The following RGS7 variants were observed in gnomAD, a reference collection of about 807,000 sequenced individuals.
RGS7 encodes the protein regulator of G-protein signaling 7.
RGS7 carries 27 observed loss-of-function variants against 81.1 expected under a neutral mutation model. That is an observed-to-expected ratio of 0.33 (90% CI 0.25 to 0.46). The LOEUF (loss-of-function observed/expected upper bound fraction) is 0.46, where lower values mean the gene tolerates loss of function less well. RGS7 is among the 20% of genes least tolerant of loss of function. The pLI is 1.00. For missense variants in RGS7, 396 were observed against 607.4 expected, an observed-to-expected ratio of 0.65 and a Z score of 3.66; for synonymous variants, 208 against 207.7, an observed-to-expected ratio of 1.00 and a Z score of -0.01.
chr1:240,889,234 G>A (rs868736109), intron 6 of RGS7, among the ~76,000 whole-genome samples: 1 of 152,202 alleles, frequency 6.6e-6, no homozygotes, highest in African/African-American at 2.4e-5. Flanking sequence ...TGGGATTACA[G>A]ACGTGAGCCA....
chr1:241,002,305 T>A (rs1316245541), intron 3 of RGS7, among the ~76,000 whole-genome samples: 8 of 151,656 alleles, frequency 5.3e-5, no homozygotes, highest in Admixed American at 5.2e-4. Flanking sequence ...AAAAAAAAAT[T>A]AGCCGAGCTT....
intron 3 of RGS7, among the ~76,000 whole-genome samples, chr1:241,091,415 G>C (rs2063864590): frequency 6.6e-6 from 1 of 151,894 alleles, no homozygotes. Flanking sequence ...AAATGTGGTG[G>C]CAGGCACCTG....
At chr1:241,172,217 G>C (rs1229604795) in intron 2 of RGS7, among the ~76,000 whole-genome samples, 1 of 147,204 alleles carries the variant, frequency 6.8e-6, no homozygotes, top group Non-Finnish European at 1.5e-5. Context: ...ATTCTGCCAA[G>C]TTATTCTTTT....
At chr1:240,930,813 A>T (rs149976420) in intron 5 of RGS7, 45 bp from the exon 6 acceptor site, 14 of 1,574,642 alleles carry the variant, frequency 8.9e-6, no homozygotes, top group African/African-American at 8.1e-5. Flanking sequence ...CAAATAAAAA[A>T]TTAGTGGAGT....
intron 9 of RGS7, among the ~76,000 whole-genome samples, chr1:240,829,172 C>T (rs556779421): frequency 7.0e-4 from 107 of 152,004 alleles, no homozygotes; most frequent in Non-Finnish European, 1.4e-3. Flanking sequence ...GTATATACTA[C>T]AGATACACAC....
intron 14 of RGS7, among the ~76,000 whole-genome samples, chr1:240,809,455 TG>T (rs1689465886): frequency 6.6e-6 from 1 of 152,140 alleles, no homozygotes; most frequent in Non-Finnish European, 1.5e-5. Context: ...TCTCCTTCAG[TG>T]TGTGACACAG....
chr1:241,109,783 C>T lies in RGS7; in HGVS notation c.79-11021G>A, dbSNP rs376566265. ...GACCAGCCTGACGAACATGGTGAAA[C>T]CGTCTCTCTACTAAAAATACAAAAA... is the stretch of plus-strand genomic sequence containing the variant. On this transcript the variant is annotated intron_variant, in intron 2 of 18. Coordinates refer to ENST00000440928, the MANE Select transcript of RGS7 (RefSeq NM_001364886.1). Among the ~76,000 whole-genome samples the T allele has an allele frequency of 4.3e-4, 65 of 151,964 alleles. No homozygotes were observed. In the East Asian group the frequency reaches 8.9e-3, roughly 21 times the overall value.
intron 2 of RGS7, among the ~76,000 whole-genome samples, chr1:241,213,786 AC>A (rs2074388413): frequency 6.6e-6 from 1 of 152,144 alleles, no homozygotes; most frequent in Non-Finnish European, 1.5e-5. Context: ...AAAGAAAAAT[AC>A]TCTTTTTCAC....
intron 6 of RGS7, among the ~76,000 whole-genome samples, chr1:240,898,702 A>C (rs1669488907): frequency 6.6e-6 from 1 of 152,212 alleles, no homozygotes; most frequent in South Asian, 2.1e-4. Context: ...TTTACTTCCA[A>C]CTATGTGGTC....
chr1:241,134,029 C>T (rs2067308201), intron 2 of RGS7, among the ~76,000 whole-genome samples: 1 of 152,156 alleles, frequency 6.6e-6, no homozygotes. Flanking sequence ...TCTATCCTTG[C>T]CAAAATGTCT....
intron 2 of RGS7, among the ~76,000 whole-genome samples, chr1:241,310,380 TGA>T (rs1216276275): frequency 1.9e-4 from 29 of 151,322 alleles, no homozygotes; most frequent in Non-Finnish European, 3.0e-4. Context: ...TGTGTGTGTA[TGA>T]GTGTGCGTGT....
intron 4 of RGS7, among the ~76,000 whole-genome samples, chr1:240,945,909 A>G (rs1220232428): frequency 6.6e-6 from 1 of 152,192 alleles, no homozygotes; most frequent in Non-Finnish European, 1.5e-5. Flanking sequence ...ATCTGAAAAT[A>G]AGAATTTTAG....
At chr1:241,224,950 A>C (rs970251979) in intron 2 of RGS7, among the ~76,000 whole-genome samples, 10 of 152,192 alleles carry the variant, frequency 6.6e-5, no homozygotes, top group African/African-American at 1.9e-4. Context: ...CACTCACAGC[A>C]TGATAACTGA....
At chr1:241,028,965 T>C (rs1050676905) in intron 3 of RGS7, among the ~76,000 whole-genome samples, 2 of 151,916 alleles carry the variant, frequency 1.3e-5, no homozygotes, top group African/African-American at 4.8e-5. Flanking sequence ...AAACTAAGAA[T>C]AAGATGAATG....
chr1:241,323,984 T>C (rs1384294234), intron 2 of RGS7, among the ~76,000 whole-genome samples: 1 of 152,194 alleles, frequency 6.6e-6, no homozygotes, highest in Non-Finnish European at 1.5e-5. Flanking sequence ...AGTTATTTAG[T>C]CTCTCTTAGT....
chr1:241,174,319 A>T (rs1173400058), intron 2 of RGS7, among the ~76,000 whole-genome samples: 1 of 152,232 alleles, frequency 6.6e-6, no homozygotes, highest in Non-Finnish European at 1.5e-5. Flanking sequence ...TATGTGTTAC[A>T]ACCAGAATCA....
intron 18 of RGS7, among the ~76,000 whole-genome samples, chr1:240,799,654 G>A (rs1023978834): frequency 1.1e-4 from 17 of 151,708 alleles, no homozygotes; most frequent in African/African-American, 2.9e-4. Context: ...CACTAATGAC[G>A]AATAATCTTA....
chr1:240,927,245 T>C (rs2148329987), intron 6 of RGS7, among the ~76,000 whole-genome samples: 1 of 152,298 alleles, frequency 6.6e-6, no homozygotes, highest in Non-Finnish European at 1.5e-5. Flanking sequence ...TTTTGTATTT[T>C]TAGTAGAGAC....
chr1:240,906,260 C>T (rs146441322), intron 6 of RGS7, among the ~76,000 whole-genome samples: 229 of 152,312 alleles, frequency 1.5e-3, no homozygotes, highest in African/African-American at 5.0e-3. Flanking sequence ...ATAGCCCACA[C>T]AGGTACATCA....
Sources: gnomAD v4.1 joint callset for allele counts (sites outside exome capture counted in the v4.1 genomes callset) on GRCh38, gnomAD v4.1.1 for gene constraint, MANE v1.5 for transcripts, NCBI Gene and HGNC (gene_info 2026-07-23, HGNC 2026-07-21) for gene names.